Variants in DAAM1 observed in about 807,000 individuals in gnomAD.
DAAM1 encodes the protein dishevelled associated activator of morphogenesis 1.
Under a neutral mutation model 130.0 loss-of-function variants are expected in DAAM1, and 52 were observed. The observed-to-expected ratio is 0.40, with a 90% CI of 0.32 to 0.50. DAAM1 has a LOEUF of 0.50. Among genes scored for constraint, DAAM1 ranks in the 20% least tolerant of loss-of-function variants. DAAM1 has a pLI of 0.61. For missense variants in DAAM1, 1,134 were observed against 1,303.8 expected, an observed-to-expected ratio of 0.87 and a Z score of 2.01; for synonymous variants, 452 against 444.5, an observed-to-expected ratio of 1.02 and a Z score of -0.21.
At chr14:59,298,049 A>T (rs1884025908) in intron 3 of DAAM1, among the ~76,000 whole-genome samples, 1 of 152,224 alleles carries the variant, frequency 6.6e-6, no homozygotes, top group South Asian at 2.1e-4. Flanking sequence ...GAAGCATGTT[A>T]TTCTCCCTCT....
Position 59,371,352 on chromosome 14 carries a change from TG to T in DAAM1, c.*2494del, listed in dbSNP as rs374914348. 205 of 152,264 alleles carry T rather than the reference TG, an allele frequency of 1.3e-3. 2 individuals carry two copies. Among genetic ancestry groups the T allele is most frequent in the African/African-American group, 4.8e-3 (200 of 41,564 alleles). 9.4% of individuals were successfully genotyped at this position (152,264 alleles called of 1,614,324 possible). A position where few individuals can be genotyped will look rare whatever the true frequency, so the allele number is the denominator to read the frequency against. ...AAAGTATGTGTTATGAGACTGTACATGTTTTTTTAAAAATAGCAATATGCAA... is the reference window on the plus strand; with the variant it reads ...AAAGTATGTGTTATGAGACTGTACATTTTTTTTAAAAATAGCAATATGCAA... On this transcript the variant is annotated 3_prime_UTR_variant, in exon 25 of 25. Coordinates refer to ENST00000360909, the MANE Select transcript of DAAM1 (RefSeq NM_001270520.2).
At chr14:59,235,699 T>C (rs1038502926) in intron 1 of DAAM1, among the ~76,000 whole-genome samples, 10 of 152,216 alleles carry the variant, frequency 6.6e-5, no homozygotes, top group Admixed American at 2.6e-4. Flanking sequence ...ATTTCTTTGC[T>C]CTTGCTTCTC....
chr14:59,355,336 A>G lies in DAAM1; in HGVS notation c.2525+3A>G. The G allele has an allele frequency of 6.2e-7, 1 of 1,613,956 alleles. No individual in the cohort carries two copies. The highest frequency in any genetic ancestry group is 8.5e-7 in the Non-Finnish European group (1 of 1,179,930). On this transcript the variant is annotated splice_donor_region_variant and intron_variant, in intron 20 of 24. Transcript: ENST00000360909. ...GACACAAAATCCAGCATCGACAAGT[A>G]AGTATGAGATCTTCCAACACTTGGG... is the stretch of plus-strand genomic sequence containing the variant.
At chr14:59,339,250 A>G (rs1452623889) in intron 15 of DAAM1, among the ~76,000 whole-genome samples, 3 of 152,248 alleles carry the variant, frequency 2.0e-5, no homozygotes, top group African/African-American at 7.2e-5. Flanking sequence ...CTACTTAATC[A>G]GTTTTCTTAC....
In DAAM1 at chr14:59,341,638, A is replaced by G. The variant is rs190891544; in HGVS notation, c.2075+1458A>G. 5.1e-4 allele frequency among the ~76,000 whole-genome samples: 77 copies of G among 152,362 alleles called. 1 individual carries two copies. The East Asian group carries it at 0.01, about 20-fold the overall frequency. ...CATAGTCTATGTAAGGATCAATACT[A>G]TCCACAGTTTCAGGCATCCACTGGG... is the stretch of plus-strand genomic sequence containing the variant. On this transcript the variant is annotated intron_variant, in intron 16 of 24. Transcript: ENST00000360909.
intron 2 of DAAM1, among the ~76,000 whole-genome samples, chr14:59,274,265 C>A (rs1258150224): frequency 6.6e-6 from 1 of 151,862 alleles, no homozygotes; most frequent in Non-Finnish European, 1.5e-5. Flanking sequence ...TAAATTAAAC[C>A]AAATAATTAA....
intron 1 of DAAM1, among the ~76,000 whole-genome samples, chr14:59,252,439 C>A (rs1881688506): frequency 6.6e-6 from 1 of 152,154 alleles, no homozygotes; most frequent in African/African-American, 2.4e-5. Context: ...CTGCTGAATT[C>A]TTCAAAATAT....
At chr14:59,262,331 A>G (rs193207157) in intron 1 of DAAM1, among the ~76,000 whole-genome samples, 8 of 152,250 alleles carry the variant, frequency 5.3e-5, no homozygotes, top group Admixed American at 4.6e-4. Flanking sequence ...TTCTTCTTTG[A>G]CTTGGTTTTT....
At chr14:59,245,138 C>T (rs368618943) in intron 1 of DAAM1, among the ~76,000 whole-genome samples, 2 of 152,174 alleles carry the variant, frequency 1.3e-5, no homozygotes, top group African/African-American at 4.8e-5. Flanking sequence ...TGTGTCTTCA[C>T]GTGGATCAAA....
At chr14:59,203,758 G>A (rs2139398580) in intron 1 of DAAM1, among the ~76,000 whole-genome samples, 1 of 152,314 alleles carries the variant, frequency 6.6e-6, no homozygotes, top group Admixed American at 6.5e-5. Flanking sequence ...GACAAGCTAA[G>A]GTTTTGGTGA....
At chr14:59,323,613 A>C (rs1370296968) in intron 6 of DAAM1, among the ~76,000 whole-genome samples, 1 of 152,204 alleles carries the variant, frequency 6.6e-6, no homozygotes. Flanking sequence ...AGCAGAGATA[A>C]TGAAGCAAAG....
intron 15 of DAAM1, among the ~76,000 whole-genome samples, chr14:59,337,163 A>T (rs1469631581): frequency 1.3e-5 from 2 of 152,200 alleles, no homozygotes; most frequent in Non-Finnish European, 2.9e-5. Flanking sequence ...GAAAAAAAAT[A>T]GGTTAAGATG....
At chr14:59,205,753 G>C (rs1465461103) in intron 1 of DAAM1, among the ~76,000 whole-genome samples, 1 of 152,108 alleles carries the variant, frequency 6.6e-6, no homozygotes, top group African/African-American at 2.4e-5. Context: ...ATTTTATATG[G>C]TTGTCACTGA....
At chr14:59,338,868 G>A (rs117245273) in intron 15 of DAAM1, among the ~76,000 whole-genome samples, 2,705 of 152,186 alleles carry the variant, frequency 0.018, 41 homozygotes, top group Non-Finnish European at 0.024. Context: ...AGATTGCATA[G>A]GCTGCAGTTG....
chr14:59,322,501 G>GA (rs10570231), intron 5 of DAAM1, among the ~76,000 whole-genome samples: 20,175 of 147,222 alleles, frequency 0.14, 1,508 homozygotes, highest in Middle Eastern at 0.2. Context: ...CTCTCTTAAA[G>GA]AAAAAAAAAA....
intron 1 of DAAM1, among the ~76,000 whole-genome samples, chr14:59,221,997 A>G (rs185569653): frequency 2.0e-5 from 3 of 152,350 alleles, no homozygotes; most frequent in East Asian, 1.9e-4. Flanking sequence ...AAGCACTACC[A>G]TATAGCAGAT....
intron 13 of DAAM1, 79 bp downstream of exon 13, chr14:59,330,767 T>A (rs1317778815): frequency 1.5e-6 from 2 of 1,370,888 alleles, no homozygotes; most frequent in South Asian, 3.1e-5. Context: ...AGTAGAGAAC[T>A]TCATACTGGG....
At chr14:59,325,907 G>T in intron 9 of DAAM1, 53 bp from the exon 10 acceptor site, 1 of 1,570,038 alleles carries the variant, frequency 6.4e-7, no homozygotes, top group Non-Finnish European at 8.8e-7. Flanking sequence ...CTTTACACTG[G>T]GGAAACTGAG....
intron 1 of DAAM1, among the ~76,000 whole-genome samples, chr14:59,217,997 C>T (rs545566639): frequency 2.0e-5 from 3 of 151,026 alleles, no homozygotes; most frequent in South Asian, 4.2e-4. Flanking sequence ...ATCAGGTATA[C>T]TGGCATGTGC....
Sources: allele counts gnomAD v4.1 joint callset (sites outside exome capture counted in the v4.1 genomes callset), GRCh38; gene constraint gnomAD v4.1.1; transcripts MANE v1.5; gene names NCBI Gene and HGNC (gene_info 2026-07-23, HGNC 2026-07-21).